The following SCN9A variants were observed in gnomAD, a reference collection of about 807,000 sequenced individuals.
SCN9A encodes sodium channel protein type 9 subunit alpha.
A neutral mutation model predicts 187.0 loss-of-function variants in SCN9A; 131 were observed. The observed-to-expected ratio is 0.70, with a 90% confidence interval of 0.61 to 0.81. The LOEUF is 0.81. SCN9A is among the 30% of genes least tolerant of loss of function. SCN9A has a pLI of 0.00. For missense variants in SCN9A, 2,252 were observed against 2,396.6 expected (o/e 0.94, Z 1.26); for synonymous variants, 809 against 808.6 (o/e 1.00, Z -0.01).
chr2:166,263,978 T>C (rs984266691), intron 17 of SCN9A, among the ~76,000 whole-genome samples: 10 of 152,014 alleles, frequency 6.6e-5, no homozygotes, highest in African/African-American at 2.4e-4. Flanking sequence ...GGCAAAAGAA[T>C]AAATTTCTGT....
At chr2:166,272,050 T>C (rs1238737136) in intron 17 of SCN9A, among the ~76,000 whole-genome samples, 1 of 151,710 alleles carries the variant, frequency 6.6e-6, no homozygotes, top group Non-Finnish European at 1.5e-5. Context: ...CAAAAAGTAG[T>C]GAGTACAAAG....
intron 1 of SCN9A, among the ~76,000 whole-genome samples, chr2:166,355,289 A>G (rs1447851599): frequency 6.6e-6 from 1 of 152,104 alleles, no homozygotes; most frequent in Non-Finnish European, 1.5e-5. Context: ...CAGAAAGGCT[A>G]TAAAAATGTA....
chr2:166,370,935 T>A (rs1700546457), intron 1 of SCN9A, among the ~76,000 whole-genome samples: 1 of 152,190 alleles, frequency 6.6e-6, no homozygotes, highest in South Asian at 2.1e-4. Flanking sequence ...AGAGCTTTAT[T>A]GTATTTTGAT....
intron 24 of SCN9A, among the ~76,000 whole-genome samples, chr2:166,213,941 G>C (rs1463388345): frequency 6.6e-6 from 1 of 152,102 alleles, no homozygotes; most frequent in African/African-American, 2.4e-5. Flanking sequence ...TGAGCACAGT[G>C]CCTTACATTT....
At chr2:166,222,983 A>AAAAAAAAAAAAAAAAAG (rs1694687632) in intron 24 of SCN9A, among the ~76,000 whole-genome samples, 1 of 137,456 alleles carries the variant, frequency 7.3e-6, no homozygotes, top group African/African-American at 2.7e-5. Flanking sequence ...CAGCAACAAA[A>AAAAAAAAAAAAAAAAAG]AACCGTAAAG....
At chr2:166,309,768 A>G (rs1698881492) in intron 2 of SCN9A, among the ~76,000 whole-genome samples, 1 of 145,014 alleles carries the variant, frequency 6.9e-6, no homozygotes, top group Admixed American at 6.9e-5. Flanking sequence ...TTCATATGGA[A>G]CCAAAAAAGA....
intron 6 of SCN9A, among the ~76,000 whole-genome samples, chr2:166,303,796 A>G (rs1038261082): frequency 9.9e-5 from 15 of 152,186 alleles, no homozygotes; most frequent in Non-Finnish European, 1.8e-4. Flanking sequence ...CTGTATAAGC[A>G]AATGGAAAAA....
chr2:166,303,698 C>G (rs1698656974), intron 6 of SCN9A, among the ~76,000 whole-genome samples: 1 of 152,044 alleles, frequency 6.6e-6, no homozygotes, highest in Admixed American at 6.6e-5. Context: ...AAATAAAAAA[C>G]AATGTCATGC....
chr2:166,202,978 A>G (rs571015896), intron 26 of SCN9A, among the ~76,000 whole-genome samples: 1 of 151,698 alleles, frequency 6.6e-6, no homozygotes, highest in South Asian at 2.1e-4. Flanking sequence ...GGCCAACAAC[A>G]CTAAAAACAG....
At chr2:166,337,934 AGG>A (rs1301494162) in intron 1 of SCN9A, among the ~76,000 whole-genome samples, 2 of 152,084 alleles carry the variant, frequency 1.3e-5, no homozygotes, top group Non-Finnish European at 2.9e-5. Context: ...ATTATTAGGC[AGG>A]GGGAGTTAAA....
At chr2:166,243,573 A>C (rs900083362) in intron 18 of SCN9A, among the ~76,000 whole-genome samples, 92 of 152,056 alleles carry the variant, frequency 6.1e-4, no homozygotes, top group East Asian at 5.8e-4. Flanking sequence ...ATCAGTAAAA[A>C]AGAGTTTGGG....
chr2:166,339,111 T>A (rs901762703), intron 1 of SCN9A, among the ~76,000 whole-genome samples: 10 of 152,158 alleles, frequency 6.6e-5, no homozygotes, highest in African/African-American at 2.4e-4. Flanking sequence ...GTGAGTAGTT[T>A]ATCTGGTAAA....
intron 26 of SCN9A, 97 bp downstream of exon 26, chr2:166,203,858 G>T: frequency 1.3e-6 from 1 of 754,294 alleles, no homozygotes; most frequent in Admixed American, 2.8e-5. Flanking sequence ...TTACTCAAGA[G>T]TAAATTTGTG....
intron 19 of SCN9A, among the ~76,000 whole-genome samples, chr2:166,239,222 C>CAAAA (rs1224250762): frequency 6.7e-5 from 1 of 15,032 alleles, no homozygotes; most frequent in African/African-American, 1.2e-4. Flanking sequence ...GACTCTGTCT[C>CAAAA]AAAAAAAAAA....
intron 1 of SCN9A, among the ~76,000 whole-genome samples, chr2:166,361,144 A>G (rs1700274577): frequency 6.6e-6 from 1 of 151,998 alleles, no homozygotes; most frequent in African/African-American, 2.4e-5. Flanking sequence ...TAGTGGAAAA[A>G]ATTAGACACT....
At chr2:166,227,260 C>T (rs192435466) in intron 23 of SCN9A, among the ~76,000 whole-genome samples, 6 of 152,154 alleles carry the variant, frequency 3.9e-5, no homozygotes, top group South Asian at 2.1e-4. Context: ...TTTTGATAAG[C>T]GCATATTTAC....
intron 17 of SCN9A, among the ~76,000 whole-genome samples, chr2:166,253,180 T>A (rs1696120921): frequency 6.6e-6 from 1 of 151,830 alleles, no homozygotes. Flanking sequence ...TATCACCTAG[T>A]ATACAACATC....
intron 1 of SCN9A, among the ~76,000 whole-genome samples, chr2:166,358,744 C>T (rs576544612): frequency 4.5e-4 from 68 of 152,266 alleles, no homozygotes; most frequent in African/African-American, 1.6e-3. Context: ...TCAAGTACTT[C>T]ATAAGTGTGA....
In SCN9A at chr2:166,242,568, C is replaced by G. The variant is rs199791077; in HGVS notation, c.3561G>C (p.Lys1187Asn). 35 of 1,582,598 alleles carry G rather than the reference C, an allele frequency of 2.2e-5. No individual in the cohort carries two copies. In the African/African-American group the frequency reaches 3.6e-4, roughly 16 times the overall value. Residue 1187 changes from lysine (K) to asparagine (N), a missense_variant, in exon 19 of 27, where the codon AAG becomes AAC. Around this residue, in one of 7 missense-constraint regions of SCN9A, gnomAD observed 313 missense variants for 295.3 expected, o/e 1.06. Coordinates refer to ENST00000642356, the MANE Select transcript of SCN9A (RefSeq NM_001365536.1). Reference protein sequence around the residue: ...IWWNIRKTCYKIVEHSWFESF... With the variant: ...IWWNIRKTCYNIVEHSWFESF... ...TTTCAAACCAACTGTGTTCAACAAT[C>G]TTGTAGCAGGTTTTCCTGATGTTCC...
Sources: allele counts gnomAD v4.1 joint callset (sites outside exome capture counted in the v4.1 genomes callset), GRCh38; gene constraint gnomAD v4.1.1; regional missense constraint gnomAD v4.1.1; transcripts MANE v1.5; gene names NCBI Gene and HGNC (gene_info 2026-07-23, HGNC 2026-07-21).